The following COLEC12 variants were observed in gnomAD, a reference collection of about 807,000 sequenced individuals.
The protein encoded by COLEC12 is collectin-12.
In COLEC12, 33 loss-of-function variants were observed where a neutral mutation model predicts 71.1. The observed-to-expected ratio is 0.46, with a 90% CI of 0.35 to 0.62. COLEC12 has a LOEUF of 0.62. Ranked by LOEUF, COLEC12 falls within the 20% of genes least tolerant of loss-of-function variation. The pLI is 0.00. For missense variants in COLEC12, 765 were observed against 916.1 expected (o/e 0.84, Z 2.13); for synonymous variants, 350 against 353.0 (o/e 0.99, Z 0.10).
Position 335,187 on chromosome 18 carries a change from C to T in COLEC12, c.1371G>A (p.Gln457=). Residue 457 remains glutamine, a synonymous_variant, in exon 6 of 10, where the codon CAG becomes CAA. Coordinates refer to ENST00000400256, the MANE Select transcript of COLEC12 (RefSeq NM_130386.3). ...PRGPRGDRGS[Q]GPPGPTGNKG... ...TGTTGCCAGTTGGGCCAGGGGGTCCCTGGGATCCTCTGTCACCTCTTGGAC... is the reference window on the plus strand; with the variant it reads ...TGTTGCCAGTTGGGCCAGGGGGTCCTTGGGATCCTCTGTCACCTCTTGGAC... 6.2e-7 allele frequency: 1 copy of T among 1,611,146 alleles called. No individual in the cohort carries two copies. The highest frequency in any genetic ancestry group is 8.5e-7 in the Non-Finnish European group (1 of 1,179,028).
At chr18:422,952 C>T (rs1457971575) in intron 2 of COLEC12, among the ~76,000 whole-genome samples, 2 of 152,204 alleles carry the variant, frequency 1.3e-5, no homozygotes, top group Non-Finnish European at 2.9e-5. Flanking sequence ...TCTGTAAATA[C>T]GTTTCCCACT....
chr18:457,945 T>C (rs1045139602), intron 2 of COLEC12, among the ~76,000 whole-genome samples: 2 of 152,208 alleles, frequency 1.3e-5, no homozygotes, highest in Admixed American at 1.3e-4. Flanking sequence ...TGGAAATTTA[T>C]ATAAGTTCTT....
At chr18:393,351 T>C (rs985943183) in intron 2 of COLEC12, among the ~76,000 whole-genome samples, 1 of 152,140 alleles carries the variant, frequency 6.6e-6, no homozygotes, top group Non-Finnish European at 1.5e-5. Flanking sequence ...GCTTTTCTCA[T>C]GTAGGCACAG....
chr18:382,511 A>G (rs929117252), intron 2 of COLEC12, among the ~76,000 whole-genome samples: 68 of 152,318 alleles, frequency 4.5e-4, no homozygotes, highest in African/African-American at 1.4e-3. Context: ...AAAGGCTGGA[A>G]CTCTGGAGCA....
rs772189627 is a variant in COLEC12, at chr18:408,177, G to A, written c.59-50655C>T. ...GTCCTGGGAAGATCATGGGCTTTAGGTTCAATCCCAGCCTTATCACAAGTT... is the reference window on the plus strand; with the variant it reads ...GTCCTGGGAAGATCATGGGCTTTAGATTCAATCCCAGCCTTATCACAAGTT... On this transcript the variant is annotated intron_variant, in intron 2 of 9. Transcript: ENST00000400256. This position sits in a 1 kb window ranked among gnomAD's most constrained non-coding sequence, Gnocchi z 4.3. Among the ~76,000 whole-genome samples the A allele has an allele frequency of 1.3e-5, 2 of 152,088 alleles. No homozygotes were observed. The highest frequency in any genetic ancestry group is 4.8e-5 in the African/African-American group (2 of 41,414).
intron 4 of COLEC12, among the ~76,000 whole-genome samples, 157 bp from the exon 5 acceptor site, chr18:347,498 T>C (rs1043112999): frequency 4.6e-5 from 7 of 152,222 alleles, no homozygotes; most frequent in Non-Finnish European, 8.8e-5. Flanking sequence ...TGTACATATC[T>C]ATTAAAACTG....
intron 2 of COLEC12, among the ~76,000 whole-genome samples, chr18:414,432 C>A (rs1915950254): frequency 6.6e-6 from 1 of 152,018 alleles, no homozygotes; most frequent in Non-Finnish European, 1.5e-5. Context: ...AACCTCGACT[C>A]TACTAAAAAT....
chr18:470,638 CT>C (rs977825261), intron 2 of COLEC12, among the ~76,000 whole-genome samples: 2 of 152,020 alleles, frequency 1.3e-5, no homozygotes, highest in Non-Finnish European at 2.9e-5. Context: ...GCCTGTATTC[CT>C]AGCTACTCAG....
chr18:441,113 T>C (rs2846639), intron 2 of COLEC12, among the ~76,000 whole-genome samples: 113,348 of 126,466 alleles, frequency 0.9, 51,412 homozygotes, highest in East Asian at 1. Flanking sequence ...CCAGGCGTGG[T>C]GGCGGGCGCC....
At chr18:329,325 G>A (rs1190194515) in intron 8 of COLEC12, among the ~76,000 whole-genome samples, 1 of 152,058 alleles carries the variant, frequency 6.6e-6, no homozygotes. Flanking sequence ...CCAGACCTTT[G>A]TGCATTTACG....
At chr18:473,001 A>T (rs1273655132) in intron 2 of COLEC12, among the ~76,000 whole-genome samples, 1 of 152,086 alleles carries the variant, frequency 6.6e-6, no homozygotes, top group Non-Finnish European at 1.5e-5. Flanking sequence ...CCCCATATAT[A>T]TTATGGTTTT....
Position 318,022 on chromosome 18 carries a change from G to GCCGGA in COLEC12, c.*2022_*2023insTCCGG. The GCCGGA allele has an allele frequency of 6.6e-6, 1 of 150,822 alleles. No individual in the cohort carries two copies. The highest frequency in any genetic ancestry group is 6.6e-5 in the Admixed American group (1 of 15,186). 9.3% of individuals were successfully genotyped at this position (150,822 alleles called of 1,614,324 possible). A position where few individuals can be genotyped will look rare whatever the true frequency, so the allele number is the denominator to read the frequency against. On this transcript the variant is annotated 3_prime_UTR_variant, in exon 10 of 10. Coordinates refer to ENST00000400256, the MANE Select transcript of COLEC12 (RefSeq NM_130386.3). ...AGATGAGTCTCGCTCTGTCGCCCAG[G>GCCGGA]CTGGAGTGCAGTGGCGCGATCTCGG... is the stretch of plus-strand genomic sequence containing the variant.
intron 1 of COLEC12, among the ~76,000 whole-genome samples, chr18:494,569 C>T (rs962738309): frequency 3.3e-5 from 5 of 152,138 alleles, no homozygotes; most frequent in African/African-American, 1.2e-4. Context: ...CACTCCTCGC[C>T]CAGCACACAG....
chr18:497,244 C>A (rs892158241), intron 1 of COLEC12, among the ~76,000 whole-genome samples: 2 of 152,288 alleles, frequency 1.3e-5, no homozygotes, highest in African/African-American at 2.4e-5. Context: ...AAGGCCATAT[C>A]CAGGTTTAAA....
At chr18:388,056 C>G (rs1255336760) in intron 2 of COLEC12, among the ~76,000 whole-genome samples, 4 of 152,156 alleles carry the variant, frequency 2.6e-5, no homozygotes, top group African/African-American at 9.7e-5. Context: ...AGTAGGCAGA[C>G]AGATGTAAGC....
At chr18:360,328 GC>G (rs1218518392) in intron 2 of COLEC12, among the ~76,000 whole-genome samples, 3 of 151,974 alleles carry the variant, frequency 2.0e-5, no homozygotes, top group Non-Finnish European at 4.4e-5. Flanking sequence ...GATTACAGGT[GC>G]CCACGACCAC....
intron 2 of COLEC12, among the ~76,000 whole-genome samples, chr18:471,890 G>A (rs1006986726): frequency 1.3e-5 from 2 of 152,020 alleles, no homozygotes; most frequent in African/African-American, 4.8e-5. Context: ...CTCAACGTTG[G>A]TCAATGAGAT....
At chr18:401,614 C>G (rs1915688425) in intron 2 of COLEC12, among the ~76,000 whole-genome samples, 1 of 152,202 alleles carries the variant, frequency 6.6e-6, no homozygotes, top group South Asian at 2.1e-4. Flanking sequence ...ACAGGGAGGG[C>G]CAGTGTTCTG....
chr18:478,026 C>T (rs1485992220), intron 2 of COLEC12, among the ~76,000 whole-genome samples: 1 of 152,192 alleles, frequency 6.6e-6, no homozygotes, highest in African/African-American at 2.4e-5. Context: ...AACTCATTTA[C>T]CTTCTAAAGA....
Sources: gnomAD v4.1 joint callset for allele counts (sites outside exome capture counted in the v4.1 genomes callset) on GRCh38, gnomAD v4.1.1 for gene constraint, Gnocchi (gnomAD v3.1) non-coding constraint, MANE v1.5 for transcripts, NCBI Gene and HGNC (gene_info 2026-07-23, HGNC 2026-07-21) for gene names.